EVI5: variants seen among roughly 807,000 people sequenced by gnomAD.
EVI5 encodes ecotropic viral integration site 5, also known as ecotropic viral integration site 5 protein homolog.
EVI5 carries 73 observed loss-of-function variants against 112.0 expected under a neutral mutation model. That is an observed-to-expected ratio of 0.65 (90% confidence interval 0.54 to 0.79). The LOEUF (loss-of-function observed/expected upper bound fraction) is 0.79. Ranked by LOEUF, EVI5 falls within the 30% of genes least tolerant of loss-of-function variation. EVI5 has a pLI of 0.00. For synonymous variants in EVI5, 305 were observed against 319.9 expected, an observed-to-expected ratio of 0.95 and a Z score of 0.50; for missense variants, 900 against 968.8, an observed-to-expected ratio of 0.93 and a Z score of 0.94.
Position 92,509,876 on chromosome 1 carries a change from C to CT in EVI5, c.*3779dup, listed in dbSNP as rs1228420460. Reference sequence around the variant, plus strand: ...TTTTCTCCCCTGAATATACTCAACTCTAAGTGTTTAACTTAATAACATTCA... The same window carrying CT: ...TTTTCTCCCCTGAATATACTCAACTCTTAAGTGTTTAACTTAATAACATTCA... On this transcript the variant is annotated 3_prime_UTR_variant, in exon 20 of 20. Coordinates refer to ENST00000684568, the MANE Select transcript of EVI5 (RefSeq NM_001350197.2). The CT allele has an allele frequency of 1.3e-5, 2 of 152,150 alleles. No individual in the cohort carries two copies. Among genetic ancestry groups the CT allele is most frequent in the African/African-American group, 2.4e-5 (1 of 41,432 alleles). 9.4% of individuals were successfully genotyped at this position (152,150 alleles called of 1,614,324 possible).
At chr1:92,539,703 T>C (rs1027248475) in intron 19 of EVI5, among the ~76,000 whole-genome samples, 1 of 152,050 alleles carries the variant, frequency 6.6e-6, no homozygotes, top group Non-Finnish European at 1.5e-5. Context: ...AAAATGACCT[T>C]GAGATATAAC....
intron 18 of EVI5, among the ~76,000 whole-genome samples, chr1:92,583,589 A>G (rs1237017483): frequency 6.9e-6 from 1 of 145,618 alleles, no homozygotes; most frequent in Non-Finnish European, 1.5e-5. Flanking sequence ...AAAGAAATCT[A>G]AAATAGAAGG....
chr1:92,707,887 T>G (rs1672253611), intron 2 of EVI5, among the ~76,000 whole-genome samples: 1 of 152,214 alleles, frequency 6.6e-6, no homozygotes, highest in South Asian at 2.1e-4. Flanking sequence ...CAAATTGTGG[T>G]ACATTCATTC....
chr1:92,781,948 C>A (rs113224380), intron 1 of EVI5, among the ~76,000 whole-genome samples: 6,709 of 80,432 alleles, frequency 0.083, 256 homozygotes, highest in Admixed American at 0.11. Context: ...GAGTGAGATT[C>A]TGTCTCAAAA....
chr1:92,590,944 G>T (rs1167869882), intron 18 of EVI5, among the ~76,000 whole-genome samples: 1 of 152,236 alleles, frequency 6.6e-6, no homozygotes, highest in East Asian at 1.9e-4. Context: ...TCAGAAGAGA[G>T]TGGGGGCCAA....
chr1:92,579,277 T>C (rs1215672363), intron 18 of EVI5, among the ~76,000 whole-genome samples: 1 of 152,148 alleles, frequency 6.6e-6, no homozygotes, highest in African/African-American at 2.4e-5. Context: ...GAATGGCCTA[T>C]GAAGAGTTTA....
chr1:92,579,915 A>G (rs1341262299), intron 18 of EVI5, among the ~76,000 whole-genome samples: 3 of 152,370 alleles, frequency 2.0e-5, no homozygotes, highest in East Asian at 3.9e-4. Flanking sequence ...TTTACAAATG[A>G]TAATACTGAA....
At chr1:92,781,507 AT>A (rs993304705) in intron 1 of EVI5, among the ~76,000 whole-genome samples, 7 of 149,578 alleles carry the variant, frequency 4.7e-5, no homozygotes, top group African/African-American at 1.3e-4. Flanking sequence ...AAAAAAAAAA[AT>A]TTTTTTTGCA....
At chr1:92,649,835 A>G (rs1355360224) in intron 13 of EVI5, among the ~76,000 whole-genome samples, 1 of 152,156 alleles carries the variant, frequency 6.6e-6, no homozygotes, top group African/African-American at 2.4e-5. Flanking sequence ...TGTAAAATCT[A>G]TGGAATATTT....
intron 14 of EVI5, among the ~76,000 whole-genome samples, chr1:92,634,074 G>A (rs1215094648): frequency 6.6e-6 from 1 of 152,198 alleles, no homozygotes; most frequent in African/African-American, 2.4e-5. Flanking sequence ...GCTTCCCTTT[G>A]TGGGTAACCC....
intron 3 of EVI5, chr1:92,703,876 A>G: frequency 3.4e-6 from 1 of 290,478 alleles, no homozygotes; most frequent in Non-Finnish European, 6.0e-6. Context: ...TGGACTTGAA[A>G]CCTGCAGAGC....
At chr1:92,578,837 T>A (rs1671501888) in intron 18 of EVI5, among the ~76,000 whole-genome samples, 1 of 152,188 alleles carries the variant, frequency 6.6e-6, no homozygotes, top group Non-Finnish European at 1.5e-5. Context: ...TCCCATTCTC[T>A]TTATATCATT....
At chr1:92,592,910 A>T (rs1456310781) in intron 18 of EVI5, among the ~76,000 whole-genome samples, 1 of 152,224 alleles carries the variant, frequency 6.6e-6, no homozygotes, top group Non-Finnish European at 1.5e-5. Context: ...ACAGGCTCTG[A>T]AATTGAGGCA....
intron 13 of EVI5, chr1:92,646,947 A>G: frequency 9.3e-6 from 2 of 215,080 alleles, no homozygotes; most frequent in Non-Finnish European, 2.0e-5. Context: ...AAACCTAATG[A>G]GGGCAACAGA....
chr1:92,667,498 A>G (rs555077165), intron 10 of EVI5, among the ~76,000 whole-genome samples: 1 of 152,352 alleles, frequency 6.6e-6, no homozygotes, highest in South Asian at 2.1e-4. Context: ...CTGGTTCCCA[A>G]AAAACTTGTC....
intron 16 of EVI5, among the ~76,000 whole-genome samples, chr1:92,620,344 C>T (rs12095427): frequency 7.5e-6 from 1 of 132,868 alleles, no homozygotes; most frequent in Non-Finnish European, 1.6e-5. Context: ...GAAACTCCAT[C>T]TCAAAAAAAA....
chr1:92,703,449 G>A lies in EVI5; in HGVS notation c.510C>T (p.Asn170=). 6.3e-7 allele frequency: 1 copy of A among 1,588,804 alleles called. No individual in the cohort carries two copies. The highest frequency in any genetic ancestry group is 1.4e-5 in the African/African-American group (1 of 72,826). Residue 170 remains asparagine (N), a synonymous_variant, in exon 4 of 20, where the codon AAC becomes AAT. Coordinates refer to ENST00000684568, the MANE Select transcript of EVI5 (RefSeq NM_001350197.2). ...CAAGGCTATCTTTTTCCTTAAAAAA[G>A]TTGTGTTCAGGGTAAGTTCTAGCAA... ...RDIARTYPEH[N]FFKEKDSLGQ... is the part of the protein sequence containing the mutation.
intron 18 of EVI5, among the ~76,000 whole-genome samples, chr1:92,580,227 T>C (rs1456332680): frequency 1.3e-5 from 2 of 152,190 alleles, no homozygotes; most frequent in East Asian, 1.9e-4. Flanking sequence ...CTTTCCTGTT[T>C]AATCCAAAAA....
chr1:92,636,435 G>A lies in EVI5; in HGVS notation c.1393-99C>T. 4 of 960,284 alleles carry A rather than the reference G, an allele frequency of 4.2e-6. No individual in the cohort carries two copies. In the East Asian group the frequency reaches 8.0e-5, roughly 19 times the overall value. 59.5% of individuals were successfully genotyped at this position (960,284 alleles called of 1,614,324 possible). On this transcript the variant is annotated intron_variant, in intron 13 of 19. Coordinates refer to ENST00000684568, the MANE Select transcript of EVI5 (RefSeq NM_001350197.2). ...CATAATACAGTTATATTACATTAAG[G>A]GCAACTAAATAGGAGAAGTTCCATC...
Sources: gnomAD v4.1 joint callset for allele counts (sites outside exome capture counted in the v4.1 genomes callset) on GRCh38, gnomAD v4.1.1 for gene constraint, MANE v1.5 for transcripts, NCBI Gene and HGNC (gene_info 2026-07-23, HGNC 2026-07-21) for gene names.